The following UGT1A10 variants were observed in gnomAD, a reference collection of about 807,000 sequenced individuals.
UGT1A10 encodes the protein UDP glucuronosyltransferase family 1 member A10, also known as UDP-glucuronosyltransferase 1A10.
A neutral mutation model predicts 45.8 loss-of-function variants in UGT1A10; 49 were observed. That is an observed-to-expected ratio of 1.07 (90% CI 0.85 to 1.36). The LOEUF is 1.36. Among genes scored for constraint, UGT1A10 ranks in the 40% most tolerant of loss-of-function variants. UGT1A10 has a pLI of 0.00. For missense variants in UGT1A10, 745 were observed against 668.6 expected, an observed-to-expected ratio of 1.11 and a Z score of -1.26; for synonymous variants, 284 against 249.7, an observed-to-expected ratio of 1.14 and a Z score of -1.29.
At chr2:233,689,411 C>G (rs1415837333) in intron 1 of UGT1A10, among the ~76,000 whole-genome samples, 1 of 152,188 alleles carries the variant, frequency 6.6e-6, no homozygotes, top group Admixed American at 6.5e-5. Context: ...GACCCAATCT[C>G]TCTAATGGCT....
chr2:233,668,045 A>T lies in UGT1A10; in HGVS notation c.855+30668A>T, dbSNP rs115875468. 9.1e-3 allele frequency among the ~76,000 whole-genome samples: 1,255 copies of T among 138,626 alleles called. 9 individuals are homozygous for T. Among genetic ancestry groups the T allele is most frequent in the African/African-American group, 0.034 (1,179 of 34,774 alleles). 90.9% of individuals were successfully genotyped at this position (138,626 alleles called of 152,430 possible). A position where few individuals can be genotyped will look rare whatever the true frequency, so the allele number is the denominator to read the frequency against. On this transcript the variant is annotated intron_variant, in intron 1 of 4. Transcript: ENST00000344644. The stretch of plus-strand genomic sequence containing the variant: ...CCAGTTTCCCCTATTGCTAAATGTT[A>T]GTTTACTGTGCACATTTTTTTTTAT...
intron 1 of UGT1A10, among the ~76,000 whole-genome samples, chr2:233,653,336 C>A (rs772063042): frequency 1.4e-4 from 21 of 152,078 alleles, no homozygotes; most frequent in Non-Finnish European, 2.4e-4. Context: ...CAAGCGTAAA[C>A]CCTCAGGTGT....
chr2:233,666,922 A>G (rs1051005602), intron 1 of UGT1A10, among the ~76,000 whole-genome samples: 6 of 151,456 alleles, frequency 4.0e-5, no homozygotes, highest in Non-Finnish European at 7.4e-5. Flanking sequence ...TCCTTGTGGT[A>G]GTTTGCTGAG....
chr2:233,655,931 A>G (rs965632901), intron 1 of UGT1A10, among the ~76,000 whole-genome samples: 1 of 152,188 alleles, frequency 6.6e-6, no homozygotes, highest in Non-Finnish European at 1.5e-5. Context: ...CTGAAAAATT[A>G]CAGAATTATA....
intron 1 of UGT1A10, among the ~76,000 whole-genome samples, chr2:233,721,233 T>C (rs911538270): frequency 5.3e-5 from 8 of 152,262 alleles, no homozygotes; most frequent in African/African-American, 1.9e-4. Context: ...ATGTAGTTAC[T>C]GAATTGTAAA....
At chr2:233,755,001 A>C (rs1350785885) in intron 1 of UGT1A10, 1 of 1,292,842 alleles carries the variant, frequency 7.7e-7, no homozygotes, top group African/African-American at 1.5e-5. Flanking sequence ...GAAGCTGAAG[A>C]CCTACTCGAA....
At chr2:233,695,670 G>C (rs962399799) in intron 1 of UGT1A10, among the ~76,000 whole-genome samples, 6 of 151,946 alleles carry the variant, frequency 3.9e-5, no homozygotes, top group Non-Finnish European at 8.8e-5. Flanking sequence ...AGAACATGTG[G>C]TATTTGTCTT....
chr2:233,731,757 G>A (rs2078201217), intron 1 of UGT1A10, among the ~76,000 whole-genome samples: 1 of 152,162 alleles, frequency 6.6e-6, no homozygotes. Flanking sequence ...GTGTGCATGT[G>A]TCCTTAGAGT....
intron 1 of UGT1A10, chr2:233,718,769 G>C: frequency 1.2e-6 from 2 of 1,612,822 alleles, no homozygotes; most frequent in African/African-American, 1.3e-5. Context: ...GGAAACAAAT[G>C]TAGCAGGCAC....
chr2:233,678,496 G>A (rs963192474), intron 1 of UGT1A10, among the ~76,000 whole-genome samples: 2 of 152,072 alleles, frequency 1.3e-5, no homozygotes, highest in Non-Finnish European at 2.9e-5. Flanking sequence ...GTAACCTTAT[G>A]GAAATACATC....
chr2:233,699,994 G>A (rs1457243004), intron 1 of UGT1A10, among the ~76,000 whole-genome samples: 1 of 152,158 alleles, frequency 6.6e-6, no homozygotes, highest in Non-Finnish European at 1.5e-5. Context: ...GAATTACTCT[G>A]GCTCAAAATG....
intron 1 of UGT1A10, among the ~76,000 whole-genome samples, chr2:233,665,050 G>A (rs1575410577): frequency 6.6e-6 from 1 of 152,078 alleles, no homozygotes; most frequent in Non-Finnish European, 1.5e-5. Context: ...TTCATTTTTT[G>A]AAATTATTTT....
At chr2:233,768,773 AG>A (rs1386504904) in intron 4 of UGT1A10, among the ~76,000 whole-genome samples, 1 of 151,734 alleles carries the variant, frequency 6.6e-6, no homozygotes, top group Non-Finnish European at 1.5e-5. Context: ...TAGTAGAGAA[AG>A]GGTTTCACCA....
chr2:233,747,166 G>A, intron 1 of UGT1A10: 1 of 1,592,464 alleles, frequency 6.3e-7, no homozygotes, highest in Non-Finnish European at 8.5e-7. Context: ...ACAAATGTAG[G>A]AGGCACAGCG....
rs917242803 is a variant in UGT1A10, at chr2:233,724,807, C to G, written c.856-42227C>G. On this transcript the variant is annotated intron_variant, in intron 1 of 4. Transcript: ENST00000344644. ...CTTCCCAGACGGGGTGGCGGCCGGG[C>G]AGAGGCTGCAATCTCGGCACTTTGG... 5.9e-4 allele frequency among the ~76,000 whole-genome samples: 82 copies of G among 138,372 alleles called. 2 individuals carry two copies. The highest frequency in any genetic ancestry group is 1.0e-3 in the Non-Finnish European group (67 of 64,874). 90.8% of individuals were successfully genotyped at this position (138,372 alleles called of 152,430 possible). A position where few individuals can be genotyped will look rare whatever the true frequency, so the allele number is the denominator to read the frequency against.
chr2:233,706,131 A>G (rs1421239326), intron 1 of UGT1A10, among the ~76,000 whole-genome samples: 3 of 152,176 alleles, frequency 2.0e-5, no homozygotes, highest in Non-Finnish European at 4.4e-5. Context: ...CTGACAGCAA[A>G]GTATTAAACA....
At position 233,713,302 on chromosome 2, in the gene UGT1A10, A is replaced by G. The variant is rs750198016; in HGVS notation, c.856-53732A>G. The G allele has an allele frequency of 6.2e-6, 10 of 1,614,126 alleles. No individual in the cohort carries two copies. In the Admixed American group the frequency reaches 1.7e-4, roughly 27 times the overall value. The stretch of plus-strand genomic sequence containing the variant: ...CACACTCAATCGTTCTTTGAAACAG[A>G]ACATCTTCTGATGAAATTTTCTAGA... On this transcript the variant is annotated intron_variant, in intron 1 of 4. Transcript: ENST00000344644.
chr2:233,687,092 G>C (rs1460781839), intron 1 of UGT1A10, among the ~76,000 whole-genome samples: 4 of 152,196 alleles, frequency 2.6e-5, no homozygotes, highest in African/African-American at 9.7e-5. Flanking sequence ...CTTCAGCTGT[G>C]ACACTTGCGT....
At chr2:233,645,846 G>A (rs2073587464) in intron 1 of UGT1A10, among the ~76,000 whole-genome samples, 1 of 152,178 alleles carries the variant, frequency 6.6e-6, no homozygotes, top group Non-Finnish European at 1.5e-5. Context: ...ACCATTCTGA[G>A]GTGGAGGGAT....
Sources: allele counts gnomAD v4.1 joint callset (sites outside exome capture counted in the v4.1 genomes callset), GRCh38; gene constraint gnomAD v4.1.1; transcripts MANE v1.5; gene names NCBI Gene and HGNC (gene_info 2026-07-23, HGNC 2026-07-21).